SIK2: variants seen among roughly 807,000 people sequenced by gnomAD.
SIK2 encodes the protein salt inducible kinase 2, also known as serine/threonine-protein kinase SIK2.
In SIK2, 29 loss-of-function variants were observed where a neutral mutation model predicts 103.2. The observed-to-expected ratio is 0.28, with a 90% CI of 0.21 to 0.38. The LOEUF (loss-of-function observed/expected upper bound fraction) is 0.38, where lower values mean the gene tolerates loss of function less well. SIK2 is among the 10% of genes least tolerant of loss of function. The pLI is 1.00. For synonymous variants in SIK2, 412 were observed against 446.1 expected, an observed-to-expected ratio of 0.92 and a Z score of 0.96; for missense variants, 879 against 1,171.0, an observed-to-expected ratio of 0.75 and a Z score of 3.64.
At chr11:111,677,439 A>T (rs1369672434) in intron 3 of SIK2, among the ~76,000 whole-genome samples, 1 of 151,810 alleles carries the variant, frequency 6.6e-6, no homozygotes, top group Non-Finnish European at 1.5e-5. Context: ...TTTTTTGGAG[A>T]TGGAGTCTTA....
At chr11:111,622,751 T>A (rs1475420286) in intron 3 of SIK2, among the ~76,000 whole-genome samples, 1 of 152,178 alleles carries the variant, frequency 6.6e-6, no homozygotes, top group East Asian at 1.9e-4. Flanking sequence ...ATTTGCACTG[T>A]TTCTGACAAA....
chr11:111,704,127 A>G (rs533798772), intron 7 of SIK2, among the ~76,000 whole-genome samples: 2 of 152,294 alleles, frequency 1.3e-5, no homozygotes, highest in Non-Finnish European at 2.9e-5. Context: ...TTCCCCCGCC[A>G]CGTAGCCATA....
intron 3 of SIK2, among the ~76,000 whole-genome samples, chr11:111,642,166 A>G (rs1004142252): frequency 1.3e-5 from 2 of 152,062 alleles, no homozygotes; most frequent in African/African-American, 2.4e-5. Flanking sequence ...ACACCAACCA[A>G]TTTTCCAGTA....
At chr11:111,611,120 A>ATGTG (rs1941720502) in intron 1 of SIK2, among the ~76,000 whole-genome samples, 7 of 143,192 alleles carry the variant, frequency 4.9e-5, no homozygotes, top group Middle Eastern at 3.6e-3. Flanking sequence ...GTGTGTGTGC[A>ATGTG]CACCTGTAGT....
intron 3 of SIK2, among the ~76,000 whole-genome samples, chr11:111,653,983 A>C (rs1292045694): frequency 6.6e-6 from 1 of 152,214 alleles, no homozygotes; most frequent in Non-Finnish European, 1.5e-5. Context: ...TTGAATTCCA[A>C]AGTCAATTTC....
intron 2 of SIK2, among the ~76,000 whole-genome samples, chr11:111,619,808 A>G (rs1941858389): frequency 6.6e-6 from 1 of 152,254 alleles, no homozygotes; most frequent in African/African-American, 2.4e-5. Flanking sequence ...CTTTGTAACA[A>G]TATTAAAGTA....
intron 3 of SIK2, among the ~76,000 whole-genome samples, chr11:111,660,250 G>A (rs557439330): frequency 9.2e-5 from 14 of 152,236 alleles, no homozygotes; most frequent in African/African-American, 2.9e-4. Flanking sequence ...CATTTTCCTC[G>A]GTGGTTAATG....
intron 8 of SIK2, among the ~76,000 whole-genome samples, chr11:111,711,973 C>T (rs142802153): frequency 4.4e-4 from 67 of 152,324 alleles, no homozygotes; most frequent in African/African-American, 1.6e-3. Context: ...GTCAAGCATC[C>T]CCTCATGAGG....
chr11:111,693,838 G>C, intron 4 of SIK2, among the ~76,000 whole-genome samples: 1 of 152,124 alleles, frequency 6.6e-6, no homozygotes, highest in East Asian at 1.9e-4. Context: ...GATAATATTG[G>C]AGACAGGGAG....
chr11:111,662,863 C>T (rs75734486), intron 3 of SIK2, among the ~76,000 whole-genome samples: 15 of 149,902 alleles, frequency 1.0e-4, no homozygotes, highest in East Asian at 4.0e-4. Context: ...GGGAGATGGG[C>T]GAGACCTTGT....
At chr11:111,604,042 A>G (rs1158110696) in intron 1 of SIK2, among the ~76,000 whole-genome samples, 1 of 152,240 alleles carries the variant, frequency 6.6e-6, no homozygotes, top group African/African-American at 2.4e-5. Flanking sequence ...ACCAGTCCAA[A>G]TCTGACTTAT....
intron 3 of SIK2, chr11:111,672,110 TCTC>T: frequency 2.1e-6 from 1 of 470,262 alleles, no homozygotes; most frequent in South Asian, 1.7e-5. Context: ...ATCTGCTCCT[TCTC>T]CTGGTTACAC....
chr11:111,675,800 A>G (rs1341660466), intron 3 of SIK2, among the ~76,000 whole-genome samples: 1 of 152,122 alleles, frequency 6.6e-6, no homozygotes, highest in Non-Finnish European at 1.5e-5. Flanking sequence ...GGTTTGTTAC[A>G]TGGGTAAATT....
At chr11:111,608,958 C>T (rs1941682744) in intron 1 of SIK2, among the ~76,000 whole-genome samples, 1 of 151,940 alleles carries the variant, frequency 6.6e-6, no homozygotes, top group Admixed American at 6.6e-5. Flanking sequence ...TAAATCTCTG[C>T]CAACTTGATA....
At chr11:111,607,167 G>A (rs1340516005) in intron 1 of SIK2, among the ~76,000 whole-genome samples, 1 of 152,122 alleles carries the variant, frequency 6.6e-6, no homozygotes, top group East Asian at 1.9e-4. Flanking sequence ...TTCTAAAAAT[G>A]ACCTTATTAA....
chr11:111,669,649 A>G lies in SIK2; in HGVS notation c.317-18352A>G, dbSNP rs3751012. ...TTTCCCACACCAAAAAAATACTAAT[A>G]GACTGAGTTGGAAAACTTGGTAAAC... On this transcript the variant is annotated intron_variant, in intron 3 of 14. Coordinates refer to ENST00000304987, the MANE Select transcript of SIK2 (RefSeq NM_015191.3). 6.6e-5 allele frequency among the ~76,000 whole-genome samples: 10 copies of G among 152,142 alleles called. No individual in the cohort carries two copies. In the East Asian group the frequency reaches 1.9e-3, roughly 29 times the overall value.
chr11:111,659,995 C>T (rs531125038), intron 3 of SIK2, among the ~76,000 whole-genome samples: 3 of 152,236 alleles, frequency 2.0e-5, no homozygotes, highest in South Asian at 4.1e-4. Flanking sequence ...TTCAGAAAAC[C>T]GAATGGCCAT....
At chr11:111,708,249 G>C (rs1267000117) in intron 8 of SIK2, among the ~76,000 whole-genome samples, 1 of 152,146 alleles carries the variant, frequency 6.6e-6, no homozygotes, top group Non-Finnish European at 1.5e-5. Flanking sequence ...GGTTATGGTA[G>C]TGCGTGCTTA....
chr11:111,609,250 G>A lies in SIK2; in HGVS notation c.135+6552G>A, dbSNP rs534880289. Among the ~76,000 whole-genome samples, 20 of 151,976 alleles carry A rather than the reference G, an allele frequency of 1.3e-4. No individual in the cohort carries two copies. The East Asian group carries it at 3.5e-3, about 26-fold the overall frequency. On this transcript the variant is annotated intron_variant, in intron 1 of 14. Coordinates refer to ENST00000304987, the MANE Select transcript of SIK2 (RefSeq NM_015191.3). ...AAAATTCTCAGTTTAATTTTTGTGA[G>A]TATATAACTATCGGACCATTTACCT...
Sources: gnomAD v4.1 joint callset for allele counts (sites outside exome capture counted in the v4.1 genomes callset) on GRCh38, gnomAD v4.1.1 for gene constraint, MANE v1.5 for transcripts, NCBI Gene and HGNC (gene_info 2026-07-23, HGNC 2026-07-21) for gene names.